Variants in HSPA5 observed in about 807,000 individuals in gnomAD.
HSPA5 encodes the protein heat shock protein family A (Hsp70) member 5.
A neutral mutation model predicts 49.5 loss-of-function variants in HSPA5; 16 were observed. That is an observed-to-expected ratio of 0.32 (90% confidence interval 0.22 to 0.49). The LOEUF is 0.49. Among genes scored for constraint, HSPA5 ranks in the 20% least tolerant of loss-of-function variants. The pLI is 0.99. For missense variants in HSPA5, 376 were observed against 819.0 expected (o/e 0.46, Z 6.60); for synonymous variants, 271 against 307.2 (o/e 0.88, Z 1.23).
Position 125,240,412 on chromosome 9 carries a change from G to T in HSPA5, c.355-103C>A. The T allele has an allele frequency of 9.6e-7, 1 of 1,037,864 alleles. No individual in the cohort carries two copies. The highest frequency in any genetic ancestry group is 1.4e-6 in the Non-Finnish European group (1 of 706,104). The allele number at this position is 1,037,864 out of a possible 1,614,324, so 64.3% of individuals were successfully genotyped here. A position where few individuals can be genotyped will look rare whatever the true frequency, so the allele number is the denominator to read the frequency against. ...AATTTGGTTTATTTTGGTCCCTTGG[G>T]GCTGCAAATTGACTAGAAATACTTC... On this transcript the variant is annotated intron_variant, in intron 2 of 7. Coordinates refer to ENST00000324460, the MANE Select transcript of HSPA5 (RefSeq NM_005347.5). This position sits in a 1 kb window ranked among gnomAD's most constrained non-coding sequence, Gnocchi z 4.4.
In HSPA5 at chr9:125,236,368, T is replaced by C. The variant is rs1438412280; in HGVS notation, c.*224A>G. ...AACACACACCCTAACCCAGGTTTTT[T>C]ACCCGCTTTTTAAGATGGCCAATTC... On this transcript the variant is annotated 3_prime_UTR_variant, in exon 8 of 8. Transcript: ENST00000324460. 2 of 481,478 alleles carry C rather than the reference T, an allele frequency of 4.2e-6. No homozygotes were observed. Among genetic ancestry groups the C allele is most frequent in the African/African-American group, 2.0e-5 (1 of 49,632 alleles). 29.8% of individuals were successfully genotyped at this position (481,478 alleles called of 1,614,324 possible).
chr9:125,238,210 T>A lies in HSPA5; in HGVS notation c.1333A>T (p.Thr445Ser), dbSNP rs1324691272. The change falls in exon 7 of 8, where the codon ACC becomes TCC. Residue 445 changes from threonine (T) to serine (S), a missense_variant. Thr to Ser is a moderately conservative substitution (Grantham distance 58, BLOSUM62 1). Around this residue, in one of 8 missense-constraint regions of HSPA5, gnomAD observed 71 missense variants for 169.9 expected, o/e 0.42. Coordinates refer to ENST00000324460, the MANE Select transcript of HSPA5 (RefSeq NM_005347.5). The stretch of plus-strand genomic sequence containing the variant: ...GTAGAAAAGATCTGAGACTTCTTGG[T>A]AGGCACCACTGTGTTCCTTGGAATC... ...KLIPRNTVVP[T>S]KKSQIFSTAS... 1 of 1,614,026 alleles carries A rather than the reference T, an allele frequency of 6.2e-7. No individual in the cohort carries two copies. Among genetic ancestry groups the A allele is most frequent in the Non-Finnish European group, 8.5e-7 (1 of 1,179,844 alleles).
In HSPA5 at chr9:125,238,405, T is replaced by G. The variant is rs945003684; in HGVS notation, c.1235-97A>C. On this transcript the variant is annotated intron_variant, in intron 6 of 7. Transcript: ENST00000324460. ...ATTTGGTTAGGTTCTAACACACACATTTTAAAGGCAGTGAATTAAACAGTT... is the reference window on the plus strand; with the variant it reads ...ATTTGGTTAGGTTCTAACACACACAGTTTAAAGGCAGTGAATTAAACAGTT... 7.8e-6 allele frequency: 9 copies of G among 1,149,808 alleles called. No homozygotes were observed. The Admixed American group carries it at 1.8e-4, about 23-fold the overall frequency. 71.2% of individuals were successfully genotyped at this position (1,149,808 alleles called of 1,614,324 possible). A position where few individuals can be genotyped will look rare whatever the true frequency, so the allele number is the denominator to read the frequency against.
rs1832523570 is a variant in HSPA5 at position 125,238,377 on chromosome 9, AAC to A, written c.1235-71_1235-70del. On this transcript the variant is annotated intron_variant, in intron 6 of 7. Transcript: ENST00000324460. ...TGAGCTATGTAAAGTTTATCTCTCT[AAC>A]ATTTGGTTAGGTTCTAACACACACA... The A allele has an allele frequency of 1.6e-5, 23 of 1,408,614 alleles. No homozygotes were observed. The South Asian group carries it at 2.6e-4, about 16-fold the overall frequency. 87.3% of individuals were successfully genotyped at this position (1,408,614 alleles called of 1,614,324 possible).
In HSPA5 at chr9:125,238,195, T is replaced by C; in HGVS notation, c.1348A>G (p.Ile450Val). 1.2e-6 allele frequency: 2 copies of C among 1,614,082 alleles called. No homozygotes were observed. The highest frequency in any genetic ancestry group is 8.5e-7 in the Non-Finnish European group (1 of 1,179,934). The change falls in exon 7 of 8, where the codon ATC (isoleucine) becomes GTC (valine). Residue 450 changes from isoleucine to valine, a missense_variant. This residue lies in a region of HSPA5 where 71 missense variants were observed against 169.9 expected (regional missense o/e 0.42). Transcript: ENST00000324460. ...TGATTATCAGAAGCTGTAGAAAAGATCTGAGACTTCTTGGTAGGCACCACT... is the reference window on the plus strand; with the variant it reads ...TGATTATCAGAAGCTGTAGAAAAGACCTGAGACTTCTTGGTAGGCACCACT... ...NTVVPTKKSQ[I>V]FSTASDNQPT... is the part of the protein sequence containing the mutation.
At chr9:125,238,401 C>T in intron 6 of HSPA5, 93 bp from the exon 7 acceptor site, 1 of 1,200,468 alleles carries the variant, frequency 8.3e-7, no homozygotes, top group Non-Finnish European at 1.2e-6. Flanking sequence ...TTCTAACACA[C>T]ACATTTTAAA....
At position 125,236,873 on chromosome 9, in the gene HSPA5, T is replaced by TA; in HGVS notation, c.1683dup (p.Arg562Ter). The TA allele has an allele frequency of 6.2e-7, 1 of 1,614,020 alleles. No individual in the cohort carries two copies. Among genetic ancestry groups the TA allele is most frequent in the Non-Finnish European group, 8.5e-7 (1 of 1,179,874 alleles). On this transcript the variant is annotated frameshift_variant, in exon 8 of 8. Transcript: ENST00000324460. LOFTEE classifies it high-confidence loss of function. ...TAGGCATAGCTTTCCAACTCATTTC[T>TA]AGTATCAATGCGCTCCTTGAGCTTT...
chr9:125,240,413 G>T lies in HSPA5; in HGVS notation c.355-104C>A. ...ATTTGGTTTATTTTGGTCCCTTGGG[G>T]CTGCAAATTGACTAGAAATACTTCA... On this transcript the variant is annotated intron_variant, in intron 2 of 7. Coordinates refer to ENST00000324460, the MANE Select transcript of HSPA5 (RefSeq NM_005347.5). This position sits in a 1 kb window ranked among gnomAD's most constrained non-coding sequence, Gnocchi z 4.4. The T allele has an allele frequency of 9.9e-7, 1 of 1,007,946 alleles. No individual in the cohort carries two copies. The allele number at this position is 1,007,946 out of a possible 1,614,324, so 62.4% of individuals were successfully genotyped here. A position where few individuals can be genotyped will look rare whatever the true frequency, so the allele number is the denominator to read the frequency against.
In HSPA5 at chr9:125,238,711, A is replaced by C. The variant is rs746945148; in HGVS notation, c.1113T>G (p.Ile371Met). ...TGAAGAACTCTTTAACCAGTTGCTG[A>C]ATCTTTGGAATTCGAGTCGAGCCAC... is the stretch of plus-strand genomic sequence containing the variant. Reference protein sequence around the residue: ...LVGGSTRIPKIQQLVKEFFNG... With the variant: ...LVGGSTRIPKMQQLVKEFFNG... The change falls in exon 6 of 8, where the codon ATT becomes ATG. Residue 371 changes from isoleucine (I) to methionine (M), a missense_variant. Ile to Met is a conservative substitution (Grantham distance 10, BLOSUM62 1). Around this residue, in one of 8 missense-constraint regions of HSPA5, gnomAD observed 89 missense variants for 155.9 expected, o/e 0.57. Coordinates refer to ENST00000324460, the MANE Select transcript of HSPA5 (RefSeq NM_005347.5). 8 of 1,614,204 alleles carry C rather than the reference A, an allele frequency of 5.0e-6. No individual in the cohort carries two copies. The highest frequency in any genetic ancestry group is 6.8e-6 in the Non-Finnish European group (8 of 1,180,028).
Position 125,239,221 on chromosome 9 carries a change from T to C in HSPA5, c.716A>G (p.Asn239Ser), listed in dbSNP as rs200482739. The C allele has an allele frequency of 2.5e-6, 4 of 1,614,072 alleles. No individual in the cohort carries two copies. The highest frequency in any genetic ancestry group is 3.4e-6 in the Non-Finnish European group (4 of 1,180,000). Reference sequence around the variant, plus strand: ...AGTGGCCACAACTTCGAAGACACCATTGTCAATGGTGAGAAGAGACACATC... The same window carrying C: ...AGTGGCCACAACTTCGAAGACACCACTGTCAATGGTGAGAAGAGACACATC... ...TFDVSLLTID[N>S]GVFEVVATNG... The change falls in exon 5 of 8, where the codon AAT becomes AGT. Residue 239 changes from asparagine to serine, a missense_variant. Physicochemically the swap from Asn to Ser is conservative, Grantham distance 46. Around this residue, in one of 8 missense-constraint regions of HSPA5, gnomAD observed 10 missense variants for 57.4 expected, o/e 0.17. Coordinates refer to ENST00000324460, the MANE Select transcript of HSPA5 (RefSeq NM_005347.5). This position sits in a 1 kb window ranked among gnomAD's most constrained non-coding sequence, Gnocchi z 5.5.
At chr9:125,237,487 C>T (rs1457000658) in intron 7 of HSPA5, among the ~76,000 whole-genome samples, 4 of 151,638 alleles carry the variant, frequency 2.6e-5, no homozygotes, top group Non-Finnish European at 5.9e-5. Flanking sequence ...AGGCCGAGGT[C>T]GGTGGATCAC....
rs11432886 is a variant in HSPA5 at position 125,239,723 on chromosome 9, T to TA, written c.493-191dup. Among the ~76,000 whole-genome samples, 8,882 of 136,926 alleles carry TA rather than the reference T, an allele frequency of 0.065. 881 individuals are homozygous for TA. Among genetic ancestry groups the TA allele is most frequent in the African/African-American group, 0.22 (8,094 of 37,480 alleles). The allele number at this position is 136,926 out of a possible 152,430, so 89.8% of individuals were successfully genotyped here. On this transcript the variant is annotated intron_variant, in intron 3 of 7. Transcript: ENST00000324460. This position sits in a 1 kb window ranked among gnomAD's most constrained non-coding sequence, Gnocchi z 5.5. ...GAGAAACCCTGTCTCTACTGAAAATTAAAAAAAAAAAAAAAAATTAGCCAG... is the reference window on the plus strand; with the variant it reads ...GAGAAACCCTGTCTCTACTGAAAATTAAAAAAAAAAAAAAAAAATTAGCCAG...
Position 125,238,163 on chromosome 9 carries a change from A to T in HSPA5, c.1380T>A (p.Thr460=). The change falls in exon 7 of 8, where the codon ACT becomes ACA. Residue 460 remains threonine (T), a synonymous_variant. Transcript: ENST00000324460. ...IFSTASDNQP[T]VTIKVYEGER... ...TACCTTCATAGACCTTGATTGTAAC[A>T]GTTGGTTGATTATCAGAAGCTGTAG... 1 of 1,613,710 alleles carries T rather than the reference A, an allele frequency of 6.2e-7. No homozygotes were observed. The highest frequency in any genetic ancestry group is 8.5e-7 in the Non-Finnish European group (1 of 1,179,824).
At position 125,239,512 on chromosome 9, in the gene HSPA5, C is replaced by T; in HGVS notation, c.514G>A (p.Val172Ile). ...GKKVTHAVVTVPAYFNDAQRQ... is the reference protein window; with the variant it reads ...GKKVTHAVVTIPAYFNDAQRQ... ...TGGGCATCATTAAAATAGGCTGGTA[C>T]AGTAACAACTGCATGGGTAACCTAA... Residue 172 changes from valine to isoleucine, a missense_variant, in exon 4 of 8, where the codon GTA becomes ATA. Around this residue, in one of 8 missense-constraint regions of HSPA5, gnomAD observed 89 missense variants for 200.0 expected, o/e 0.44. Coordinates refer to ENST00000324460, the MANE Select transcript of HSPA5 (RefSeq NM_005347.5). This position sits in a 1 kb window ranked among gnomAD's most constrained non-coding sequence, Gnocchi z 5.5. 1 of 1,613,054 alleles carries T rather than the reference C, an allele frequency of 6.2e-7. No homozygotes were observed. The highest frequency in any genetic ancestry group is 8.5e-7 in the Non-Finnish European group (1 of 1,179,136).
rs1332909215 is a variant in HSPA5, at chr9:125,238,577, G to A, written c.1234+13C>T. ...ACTGAATCACTAAGAAAGATGCTGC[G>A]ATGATGACCTACCTGTATCTTGATC... On this transcript the variant is annotated intron_variant, in intron 6 of 7. Transcript: ENST00000324460. The A allele has an allele frequency of 5.0e-6, 8 of 1,585,906 alleles. No homozygotes were observed. Among genetic ancestry groups the A allele is most frequent in the South Asian group, 1.1e-5 (1 of 90,448 alleles).
In HSPA5 at chr9:125,238,808, A is replaced by C. The variant is rs1832527975; in HGVS notation, c.1016T>G (p.Met339Arg). Residue 339 changes from methionine (M) to arginine (R), a missense_variant, in exon 6 of 8, where the codon ATG (methionine) becomes AGG (arginine). Transcript: ENST00000324460. ...ELNMDLFRST[M>R]KPVQKVLEDS... ...TTCCAACACTTTCTGGACGGGCTTC[A>C]TAGTAGACCGGAACAGATCCTAGAA... The C allele has an allele frequency of 1.9e-6, 3 of 1,614,206 alleles. No homozygotes were observed. Among genetic ancestry groups the C allele is most frequent in the Non-Finnish European group, 2.5e-6 (3 of 1,180,022 alleles).
In HSPA5 at chr9:125,237,146, G is replaced by T. The variant is rs761365893; in HGVS notation, c.1411C>A (p.Pro471Thr). 3 of 1,605,502 alleles carry T rather than the reference G, an allele frequency of 1.9e-6. No individual in the cohort carries two copies. Among genetic ancestry groups the T allele is most frequent in the Admixed American group, 1.7e-5 (1 of 58,686 alleles). The change falls in exon 8 of 8, where the codon CCC becomes ACC. Residue 471 changes from proline to threonine, a missense_variant. This residue lies in a region of HSPA5 where 71 missense variants were observed against 169.9 expected (regional missense o/e 0.42). Transcript: ENST00000324460. Reference sequence around the variant, plus strand: ...AGAAGATGATTGTCTTTTGTCAGGGGTCTTTCACCTAGAAGTTACATACAG... The same window carrying T: ...AGAAGATGATTGTCTTTTGTCAGGGTTCTTTCACCTAGAAGTTACATACAG... ...VTIKVYEGER[P>T]LTKDNHLLGT... is the part of the protein sequence containing the mutation.
At position 125,240,936 on chromosome 9, in the gene HSPA5, C is replaced by T. The variant is rs758089648; in HGVS notation, c.123-29G>A. The T allele has an allele frequency of 9.3e-6, 15 of 1,612,520 alleles. No individual in the cohort carries two copies. The highest frequency in any genetic ancestry group is 1.2e-5 in the Non-Finnish European group (14 of 1,178,792). ...GCAGAAAAACCCGACAGAGGGACAT[C>T]AGCACCGCACTTCTCACGCCAGGCC... On this transcript the variant is annotated intron_variant, in intron 1 of 7. Coordinates refer to ENST00000324460, the MANE Select transcript of HSPA5 (RefSeq NM_005347.5). This position sits in a 1 kb window ranked among gnomAD's most constrained non-coding sequence, Gnocchi z 4.4.
chr9:125,237,193 G>A (rs765240579), intron 7 of HSPA5, 39 bp from the exon 8 acceptor site: 13 of 1,408,888 alleles, frequency 9.2e-6, no homozygotes, highest in Non-Finnish European at 1.2e-5. Flanking sequence ...AGTTGTTACT[G>A]ACAAGCATTA....
Sources: gnomAD v4.1 joint callset for allele counts (sites outside exome capture counted in the v4.1 genomes callset) on GRCh38, gnomAD v4.1.1 for gene constraint, gnomAD v4.1.1 regional missense constraint, Gnocchi (gnomAD v3.1) non-coding constraint, MANE v1.5 for transcripts, NCBI Gene and HGNC (gene_info 2026-07-23, HGNC 2026-07-21) for gene names.